Variants in ASIC2 observed in about 807,000 individuals in gnomAD.
The protein encoded by ASIC2 is acid-sensing ion channel 2.
ASIC2 carries 25 observed loss-of-function variants against 57.3 expected under a neutral mutation model. The ratio of observed to expected loss-of-function variants is 0.44; its 90% confidence interval spans 0.32 to 0.61. The LOEUF is 0.61. Among genes scored for constraint, ASIC2 ranks in the 20% least tolerant of loss-of-function variants. The probability of loss-of-function intolerance (pLI) is 0.06; values close to 1 mark genes in which losing one functional copy is unlikely to be tolerated. For missense variants in ASIC2, 641 were observed against 738.1 expected (o/e 0.87, Z 1.52); for synonymous variants, 319 against 307.5 (o/e 1.04, Z -0.39).
chr17:33,897,305 A>G (rs1306162098), intron 1 of ASIC2, among the ~76,000 whole-genome samples: 6 of 152,194 alleles, frequency 3.9e-5, no homozygotes, highest in African/African-American at 1.4e-4. Context: ...CTCCTAAAGA[A>G]ATAATGGTTT....
intron 1 of ASIC2, among the ~76,000 whole-genome samples, chr17:33,267,270 G>A (rs1415580530): frequency 6.6e-6 from 1 of 152,046 alleles, no homozygotes; most frequent in Non-Finnish European, 1.5e-5. Flanking sequence ...GTTTCCATTG[G>A]GAATAGTAAG....
intron 1 of ASIC2, among the ~76,000 whole-genome samples, chr17:34,034,310 A>C (rs190103125): frequency 1.4e-3 from 219 of 152,346 alleles, no homozygotes; most frequent in African/African-American, 4.9e-3. Flanking sequence ...AAAATTCAAC[A>C]ACCCTTCATG....
chr17:33,199,872 T>C (rs946778447), intron 1 of ASIC2, among the ~76,000 whole-genome samples: 4 of 152,074 alleles, frequency 2.6e-5, no homozygotes, highest in African/African-American at 9.7e-5. Context: ...CTTTCAGTGG[T>C]CCTGAGGACA....
intron 1 of ASIC2, among the ~76,000 whole-genome samples, chr17:33,383,996 G>T (rs1413225449): frequency 6.6e-6 from 1 of 152,180 alleles, no homozygotes; most frequent in East Asian, 1.9e-4. Flanking sequence ...TGGAAGCTAA[G>T]CATGCATTAT....
intron 1 of ASIC2, among the ~76,000 whole-genome samples, chr17:34,011,121 T>TACA (rs1906738085): frequency 7.5e-4 from 1 of 1,330 alleles, no homozygotes; most frequent in African/African-American, 3.0e-3. Context: ...ATGCCTTGAG[T>TACA]CAGACACAGG....
At chr17:33,793,472 G>A (rs17836937) in intron 1 of ASIC2, 19,260 of 152,200 alleles carry the variant, frequency 0.13, 1,274 homozygotes, top group East Asian at 0.19. Context: ...GAATTCCTCA[G>A]CGCAGGCTAT....
intron 1 of ASIC2, among the ~76,000 whole-genome samples, chr17:33,238,461 C>T (rs143187665): frequency 1.4e-3 from 213 of 152,322 alleles, no homozygotes; most frequent in African/African-American, 4.8e-3. Context: ...AAAGGCAACA[C>T]GCTGCTGCTT....
At chr17:33,553,041 TG>T (rs1915799179) in intron 1 of ASIC2, among the ~76,000 whole-genome samples, 2 of 152,166 alleles carry the variant, frequency 1.3e-5, no homozygotes, top group African/African-American at 2.4e-5. Flanking sequence ...ACTTGTTCTT[TG>T]GGGCTTAGGA....
chr17:33,373,557 C>G (rs544439338), intron 1 of ASIC2, among the ~76,000 whole-genome samples: 3 of 152,212 alleles, frequency 2.0e-5, no homozygotes, highest in Non-Finnish European at 4.4e-5. Context: ...CTCTGCTAGA[C>G]GTAGATGCAG....
chr17:34,132,965 G>A (rs998140117), intron 1 of ASIC2, among the ~76,000 whole-genome samples: 10 of 152,256 alleles, frequency 6.6e-5, no homozygotes, highest in African/African-American at 1.9e-4. Context: ...CTAACCCATC[G>A]CGGCCTGTTT....
chr17:33,497,220 C>T (rs1199647708), intron 1 of ASIC2, among the ~76,000 whole-genome samples: 3 of 152,234 alleles, frequency 2.0e-5, no homozygotes. Context: ...CCTAGCCTTC[C>T]TTAAAATGCT....
chr17:33,311,161 C>A (rs1269176002), intron 1 of ASIC2, among the ~76,000 whole-genome samples: 1 of 152,184 alleles, frequency 6.6e-6, no homozygotes, highest in Non-Finnish European at 1.5e-5. Context: ...CAAGGTGCCA[C>A]CCTGGCTGCT....
intron 1 of ASIC2, among the ~76,000 whole-genome samples, chr17:33,606,879 C>T (rs1414009143): frequency 1.3e-5 from 2 of 152,196 alleles, no homozygotes; most frequent in Non-Finnish European, 2.9e-5. Context: ...TTCACACTTC[C>T]ATCCAATCCC....
Position 33,149,147 on chromosome 17 carries a change from A to G in ASIC2, c.709-37080T>C, listed in dbSNP as rs543354648. On this transcript the variant is annotated intron_variant, in intron 1 of 9. Coordinates refer to ENST00000225823, the MANE Select transcript of ASIC2 (RefSeq NM_183377.2). ...AAAACAAAAAACAAACTTGACATAT[A>G]TCTTTTCTGACATTTCAGTTTCAGA... Among the ~76,000 whole-genome samples the G allele has an allele frequency of 2.7e-3, 409 of 152,306 alleles. 5 individuals carry two copies. Among genetic ancestry groups the G allele is most frequent in the Non-Finnish European group, 3.3e-3 (225 of 68,032 alleles).
At chr17:33,579,136 A>G (rs929983035) in intron 1 of ASIC2, among the ~76,000 whole-genome samples, 2 of 151,830 alleles carry the variant, frequency 1.3e-5, no homozygotes, top group African/African-American at 4.8e-5. Flanking sequence ...AATATAAAAC[A>G]GTAGCCAGGC....
chr17:33,513,238 C>G (rs1316118001), intron 1 of ASIC2, among the ~76,000 whole-genome samples: 1 of 152,152 alleles, frequency 6.6e-6, no homozygotes, highest in African/African-American at 2.4e-5. Flanking sequence ...AATCACTCTC[C>G]TGTGTTGTTT....
chr17:33,785,449 T>A (rs1001834550), intron 1 of ASIC2, among the ~76,000 whole-genome samples: 1 of 152,190 alleles, frequency 6.6e-6, no homozygotes, highest in African/African-American at 2.4e-5. Context: ...ATGAAGACAC[T>A]GAGGCTTAGA....
intron 1 of ASIC2, among the ~76,000 whole-genome samples, chr17:33,531,990 T>G (rs1597769837): frequency 6.6e-6 from 1 of 152,058 alleles, no homozygotes; most frequent in Admixed American, 6.5e-5. Context: ...ATGGGAAGGG[T>G]TGAGCGATCA....
intron 1 of ASIC2, among the ~76,000 whole-genome samples, chr17:33,230,001 T>C (rs1908027426): frequency 6.6e-6 from 1 of 152,176 alleles, no homozygotes. Context: ...GGAGCCCAGA[T>C]GGGGCCTGTG....
Sources: gnomAD v4.1 joint callset for allele counts (sites outside exome capture counted in the v4.1 genomes callset) on GRCh38, gnomAD v4.1.1 for gene constraint, MANE v1.5 for transcripts, NCBI Gene and HGNC (gene_info 2026-07-23, HGNC 2026-07-21) for gene names.